Variants in NOL9 observed in about 807,000 individuals in gnomAD.
The protein encoded by NOL9 is polynucleotide 5'-hydroxyl-kinase NOL9.
In NOL9, 28 loss-of-function variants were observed where a neutral mutation model predicts 67.9. The ratio of observed to expected loss-of-function variants is 0.41; its 90% confidence interval spans 0.31 to 0.57. NOL9 has a LOEUF of 0.57. NOL9 is among the 20% of genes least tolerant of loss of function. The pLI, the probability that NOL9 is intolerant of heterozygous loss-of-function variation, is 0.25. For synonymous variants in NOL9, 356 were observed against 352.2 expected, an observed-to-expected ratio of 1.01 and a Z score of -0.12; for missense variants, 777 against 897.0, an observed-to-expected ratio of 0.87 and a Z score of 1.71.
intron 9 of NOL9, among the ~76,000 whole-genome samples, chr1:6,530,862 G>C (rs1219587806): frequency 6.6e-6 from 1 of 152,254 alleles, no homozygotes; most frequent in African/African-American, 2.4e-5. Flanking sequence ...CTGTGCGGCA[G>C]AGCACAGACC....
At chr1:6,532,982 A>C (rs1274583265) in intron 7 of NOL9, among the ~76,000 whole-genome samples, 1 of 152,218 alleles carries the variant, frequency 6.6e-6, no homozygotes, top group Non-Finnish European at 1.5e-5. Flanking sequence ...CAAGATCAGC[A>C]TGGCCAACAT....
intron 6 of NOL9, among the ~76,000 whole-genome samples, chr1:6,535,831 G>A (rs1639140394): frequency 6.6e-6 from 1 of 152,000 alleles, no homozygotes; most frequent in Admixed American, 6.6e-5. Flanking sequence ...GGGAGGCTGA[G>A]GCAGGTGAAT....
At chr1:6,542,009 T>C (rs111629445) in intron 5 of NOL9, 82 bp from the exon 6 acceptor site, 1 of 812,624 alleles carries the variant, frequency 1.2e-6, no homozygotes. Context: ...CAGTAAAGAT[T>C]TCATGTGACA....
intron 1 of NOL9, among the ~76,000 whole-genome samples, chr1:6,551,782 A>G (rs1639547494): frequency 6.6e-6 from 1 of 152,146 alleles, no homozygotes; most frequent in Non-Finnish European, 1.5e-5. Context: ...CTGTAATCCC[A>G]GCACTTTGGG....
chr1:6,535,660 C>T (rs1639135822), intron 6 of NOL9, among the ~76,000 whole-genome samples: 1 of 152,162 alleles, frequency 6.6e-6, no homozygotes, highest in South Asian at 2.1e-4. Flanking sequence ...GGCATGGTGG[C>T]TTACACCTAT....
rs570704490 is a variant in NOL9, at chr1:6,541,162, C to T, written c.1075+668G>A. Among the ~76,000 whole-genome samples the T allele has an allele frequency of 1.8e-4, 27 of 151,980 alleles. No homozygotes were observed. In the East Asian group the frequency reaches 2.9e-3, roughly 16 times the overall value. ...TCCCAAGTAGCTGGGACTATAGGCA[C>T]GTGCCACCAAACCCAGCTAATTTTT... On this transcript the variant is annotated intron_variant, in intron 6 of 11. Coordinates refer to ENST00000377705, the MANE Select transcript of NOL9 (RefSeq NM_024654.5).
Position 6,526,903 on chromosome 1 carries a change from G to A in NOL9, c.1826-74C>T. 3.4e-6 allele frequency: 5 copies of A among 1,486,832 alleles called. No individual in the cohort carries two copies. In the South Asian group the frequency reaches 5.6e-5, roughly 17 times the overall value. The allele number at this position is 1,486,832 out of a possible 1,614,324, so 92.1% of individuals were successfully genotyped here. ...AACTTCTCCATCGTTAGAAACTGCA[G>A]AATGGTTTTGAACATAAGTCTTTAT... is the stretch of plus-strand genomic sequence containing the variant. On this transcript the variant is annotated intron_variant, in intron 10 of 11. Coordinates refer to ENST00000377705, the MANE Select transcript of NOL9 (RefSeq NM_024654.5).
intron 1 of NOL9, among the ~76,000 whole-genome samples, chr1:6,552,643 G>A (rs924464058): frequency 6.6e-6 from 1 of 151,432 alleles, no homozygotes; most frequent in African/African-American, 2.4e-5. Flanking sequence ...GGGATTACAG[G>A]CGTGAGCCAC....
chr1:6,526,582 A>G lies in NOL9; in HGVS notation c.1959+114T>C, dbSNP rs536643814. The G allele has an allele frequency of 4.8e-5, 53 of 1,115,688 alleles. No homozygotes were observed. In the African/African-American group the frequency reaches 6.7e-4, roughly 14 times the overall value. 69.1% of individuals were successfully genotyped at this position (1,115,688 alleles called of 1,614,324 possible). ...TCTCGGCTCACTCAGGATCTACAAC[A>G]AAGTATAGGTTTCCCAGATCACCCA... On this transcript the variant is annotated intron_variant, in intron 11 of 11. Transcript: ENST00000377705.
chr1:6,532,128 C>T, intron 8 of NOL9, 49 bp from the exon 9 acceptor site: 1 of 1,333,546 alleles, frequency 7.5e-7, no homozygotes, highest in Non-Finnish European at 1.1e-6. Context: ...CCCTCAACGG[C>T]CACCTCCCAC....
At chr1:6,546,192 G>C (rs531133032) in intron 3 of NOL9, among the ~76,000 whole-genome samples, 1 of 152,164 alleles carries the variant, frequency 6.6e-6, no homozygotes, top group Non-Finnish European at 1.5e-5. Flanking sequence ...AGGGAGGGAA[G>C]TATCCAAGAA....
rs1380249742 is a variant in NOL9 at position 6,521,775 on chromosome 1, C to G, written c.*4079G>C. 1.3e-5 allele frequency: 2 copies of G among 152,172 alleles called. No homozygotes were observed. The highest frequency in any genetic ancestry group is 2.9e-5 in the Non-Finnish European group (2 of 68,040). The allele number at this position is 152,172 out of a possible 1,614,324, so 9.4% of individuals were successfully genotyped here. A position where few individuals can be genotyped will look rare whatever the true frequency, so the allele number is the denominator to read the frequency against. On this transcript the variant is annotated 3_prime_UTR_variant, in exon 12 of 12. Coordinates refer to ENST00000377705, the MANE Select transcript of NOL9 (RefSeq NM_024654.5). ...CCGTGGTGCCAGCCTCCTGAGTTTA[C>G]CATCTCATCAGAGGCTAGCTACACA...
In NOL9 at chr1:6,528,948, G is replaced by A. The variant is rs1398233567; in HGVS notation, c.1825+46C>T. 5.1e-6 allele frequency: 8 copies of A among 1,581,528 alleles called. No individual in the cohort carries two copies. The South Asian group carries it at 7.8e-5, about 15-fold the overall frequency. On this transcript the variant is annotated intron_variant, in intron 10 of 11. Transcript: ENST00000377705. ...CCAGTCATCTACAGTTGAAGCAGTG[G>A]ATCCTTTTCAGTAGGTTTATGGATA...
At chr1:6,547,796 A>C (rs888086521) in intron 3 of NOL9, 1 of 153,694 alleles carries the variant, frequency 6.5e-6, no homozygotes, top group Non-Finnish European at 1.4e-5. Flanking sequence ...TTGAGGCTGC[A>C]GTGAGCTGAG....
chr1:6,533,746 C>T (rs182741083), intron 6 of NOL9, among the ~76,000 whole-genome samples: 8 of 152,340 alleles, frequency 5.3e-5, no homozygotes, highest in African/African-American at 1.9e-4. Context: ...TGGGACATAT[C>T]TGTAAACAAA....
At chr1:6,552,554 C>A (rs1639566287) in intron 1 of NOL9, among the ~76,000 whole-genome samples, 2 of 152,102 alleles carry the variant, frequency 1.3e-5, no homozygotes, top group African/African-American at 4.8e-5. Context: ...TCCAGAGTAG[C>A]TGGGATTACA....
intron 10 of NOL9, 97 bp downstream of exon 10, chr1:6,528,897 G>T: frequency 8.0e-7 from 1 of 1,252,618 alleles, no homozygotes; most frequent in Non-Finnish European, 1.1e-6. Context: ...GACCTCTGTA[G>T]CTTAGACACA....
At chr1:6,537,570 C>A (rs1435874042) in intron 6 of NOL9, among the ~76,000 whole-genome samples, 1 of 152,120 alleles carries the variant, frequency 6.6e-6, no homozygotes, top group Non-Finnish European at 1.5e-5. Context: ...GGCACTTGTA[C>A]TGACTTCAAA....
At chr1:6,533,133 C>T in intron 7 of NOL9, 147 bp downstream of exon 7, 2 of 758,374 alleles carry the variant, frequency 2.6e-6, no homozygotes, top group South Asian at 2.1e-5. Flanking sequence ...CGAGATCACG[C>T]CATTGCACTC....
Sources: gnomAD v4.1 joint callset for allele counts (sites outside exome capture counted in the v4.1 genomes callset) on GRCh38, gnomAD v4.1.1 for gene constraint, MANE v1.5 for transcripts, NCBI Gene and HGNC (gene_info 2026-07-23, HGNC 2026-07-21) for gene names.